CTTNBP2: variants seen among roughly 807,000 people sequenced by gnomAD.
The protein encoded by CTTNBP2 is cortactin binding protein 2.
CTTNBP2 carries 108 observed loss-of-function variants against 156.9 expected under a neutral mutation model. The ratio of observed to expected loss-of-function variants is 0.69; its 90% confidence interval spans 0.59 to 0.81. CTTNBP2 has a LOEUF of 0.81. Among genes scored for constraint, CTTNBP2 ranks in the 30% least tolerant of loss-of-function variants. The pLI, the probability that CTTNBP2 is intolerant of heterozygous loss-of-function variation, is 0.00. For synonymous variants in CTTNBP2, 767 were observed against 751.8 expected (o/e 1.02, Z -0.33); for missense variants, 1,924 against 2,035.4 (o/e 0.95, Z 1.05).
chr7:117,794,002 A>AC (rs544463810), intron 3 of CTTNBP2, among the ~76,000 whole-genome samples: 30 of 151,376 alleles, frequency 2.0e-4, no homozygotes, highest in African/African-American at 6.1e-4. Flanking sequence ...ACCTGCCTGC[A>AC]CCCCCCCTCA....
chr7:117,796,348 C>G lies in CTTNBP2; in HGVS notation c.415-3567G>C, dbSNP rs189430566. On this transcript the variant is annotated intron_variant, in intron 3 of 22. Transcript: ENST00000160373. ...ATTTTTATATTAAAAAATCTTTGAC[C>G]ATTTCAGCTCAGAGACAAACTATGT... Among the ~76,000 whole-genome samples, 244 of 152,158 alleles carry G rather than the reference C, an allele frequency of 1.6e-3. 1 individual carries two copies. The highest frequency in any genetic ancestry group is 5.6e-3 in the African/African-American group (231 of 41,522).
chr7:117,864,389 G>A (rs1170287778), intron 1 of CTTNBP2, among the ~76,000 whole-genome samples: 2 of 151,974 alleles, frequency 1.3e-5, no homozygotes, highest in East Asian at 3.9e-4. Flanking sequence ...ACTAGTCATA[G>A]TAAAATTTCT....
intron 12 of CTTNBP2, among the ~76,000 whole-genome samples, chr7:117,753,557 T>A (rs4730803): frequency 6.6e-6 from 1 of 152,042 alleles, no homozygotes; most frequent in South Asian, 2.1e-4. Context: ...ATATACACCA[T>A]GGAATACTAA....
intron 8 of CTTNBP2, among the ~76,000 whole-genome samples, chr7:117,773,435 C>T (rs1231144287): frequency 6.6e-6 from 1 of 152,134 alleles, no homozygotes; most frequent in Admixed American, 6.5e-5. Context: ...AACAAGAGGG[C>T]TACCACCTGA....
At chr7:117,753,400 C>T (rs879508739) in intron 12 of CTTNBP2, among the ~76,000 whole-genome samples, 4 of 152,158 alleles carry the variant, frequency 2.6e-5, no homozygotes, top group Non-Finnish European at 5.9e-5. Flanking sequence ...AATCCCATTA[C>T]TGCGTATACA....
intron 8 of CTTNBP2, among the ~76,000 whole-genome samples, chr7:117,772,887 C>T (rs1797868876): frequency 6.6e-6 from 1 of 152,082 alleles, no homozygotes; most frequent in Non-Finnish European, 1.5e-5. Flanking sequence ...CCCTGGGCAG[C>T]CAAGTTTACA....
chr7:117,806,884 G>A (rs1028801887), intron 3 of CTTNBP2, among the ~76,000 whole-genome samples: 3 of 151,442 alleles, frequency 2.0e-5, no homozygotes, highest in Admixed American at 6.6e-5. Flanking sequence ...TCAGCCTCCT[G>A]AGTAGCTGGG....
At chr7:117,820,656 T>C (rs140766139) in intron 2 of CTTNBP2, among the ~76,000 whole-genome samples, 1 of 152,382 alleles carries the variant, frequency 6.6e-6, no homozygotes, top group African/African-American at 2.4e-5. Context: ...ATATCTCTGA[T>C]GCCTTTGTTG....
chr7:117,835,037 C>A (rs1051763827), intron 2 of CTTNBP2, among the ~76,000 whole-genome samples: 1 of 152,166 alleles, frequency 6.6e-6, no homozygotes, highest in African/African-American at 2.4e-5. Context: ...TAATTGCCAG[C>A]GTCAATAAAA....
rs558414153 is a variant in CTTNBP2 at position 117,743,517 on chromosome 7, G to A, written c.3535+2314C>T. Among the ~76,000 whole-genome samples, 4 of 152,028 alleles carry A rather than the reference G, an allele frequency of 2.6e-5. No homozygotes were observed. The South Asian group carries it at 8.3e-4, about 32-fold the overall frequency. On this transcript the variant is annotated intron_variant, in intron 14 of 22. Coordinates refer to ENST00000160373, the MANE Select transcript of CTTNBP2 (RefSeq NM_033427.3). Reference sequence around the variant, plus strand: ...TTTTCATGTTTATAAATCAGGGATGGGACTGTATCTGCCTCAGAAAGTTGT... The same window carrying A: ...TTTTCATGTTTATAAATCAGGGATGAGACTGTATCTGCCTCAGAAAGTTGT...
chr7:117,760,442 GATGGATCGT>G lies in CTTNBP2; in HGVS notation c.3156_3164del (p.Arg1053_Ile1055del). On this transcript the variant is annotated inframe_deletion, in exon 10 of 23. Coordinates refer to ENST00000160373, the MANE Select transcript of CTTNBP2 (RefSeq NM_033427.3). ...TCATAGGACTGCTGATACCTAGCGT[GATGGATCGT>G]ATGCTTCTTGCACTGAGGCCGATGT... 6.2e-7 allele frequency: 1 copy of G among 1,613,742 alleles called. No individual in the cohort carries two copies. Among genetic ancestry groups the G allele is most frequent in the Non-Finnish European group, 8.5e-7 (1 of 1,179,664 alleles).
intron 7 of CTTNBP2, 121 bp from the exon 8 acceptor site, chr7:117,777,886 A>G (rs1451031455): frequency 7.6e-6 from 7 of 919,634 alleles, no homozygotes; most frequent in African/African-American, 1.7e-5. Flanking sequence ...AAAAGCAGGC[A>G]TTCCAATCCT....
intron 2 of CTTNBP2, among the ~76,000 whole-genome samples, chr7:117,820,290 C>G (rs1272108265): frequency 6.6e-6 from 1 of 152,202 alleles, no homozygotes; most frequent in Non-Finnish European, 1.5e-5. Context: ...CACCACCTGT[C>G]AATAACTGGA....
chr7:117,715,969 A>C, intron 22 of CTTNBP2: 1 of 152,166 alleles, frequency 6.6e-6, no homozygotes, highest in East Asian at 1.9e-4. Flanking sequence ...AAGGCTGCCA[A>C]CAGTAAGTAC....
At chr7:117,853,228 G>A (rs1803042630) in intron 2 of CTTNBP2, among the ~76,000 whole-genome samples, 1 of 152,124 alleles carries the variant, frequency 6.6e-6, no homozygotes, top group African/African-American at 2.4e-5. Flanking sequence ...ATGGATGGAG[G>A]TGGCTGTAGA....
chr7:117,847,819 CTT>C (rs201419286), intron 2 of CTTNBP2, among the ~76,000 whole-genome samples: 993 of 90,362 alleles, frequency 0.011, no homozygotes, highest in Non-Finnish European at 0.014. Flanking sequence ...TTTGCCTAAC[CTT>C]TTTTTTTTTT....
rs1439399901 is a variant in CTTNBP2, at chr7:117,777,506, C to A, written c.2778+5G>T. On this transcript the variant is annotated splice_donor_5th_base_variant and intron_variant, in intron 8 of 22. Coordinates refer to ENST00000160373, the MANE Select transcript of CTTNBP2 (RefSeq NM_033427.3). Reference sequence around the variant, plus strand: ...CATGATGAGGCCAGCTGCTACCAGACACACCTTAAAACCTTTGGAAGCAGC... The same window carrying A: ...CATGATGAGGCCAGCTGCTACCAGAAACACCTTAAAACCTTTGGAAGCAGC... 1.2e-6 allele frequency: 2 copies of A among 1,611,052 alleles called. No homozygotes were observed. Among genetic ancestry groups the A allele is most frequent in the South Asian group, 1.1e-5 (1 of 90,898 alleles).
At chr7:117,781,622 C>T (rs1005015306) in intron 6 of CTTNBP2, among the ~76,000 whole-genome samples, 2 of 152,202 alleles carry the variant, frequency 1.3e-5, no homozygotes, top group African/African-American at 4.8e-5. Flanking sequence ...CCTGTAGTCC[C>T]AGCTACTCGG....
chr7:117,795,210 T>C (rs866778570), intron 3 of CTTNBP2, among the ~76,000 whole-genome samples: 4 of 152,262 alleles, frequency 2.6e-5, no homozygotes, highest in Admixed American at 6.5e-5. Context: ...TTTTTATATG[T>C]ATATCTTATT....
Sources: gnomAD v4.1 joint callset for allele counts (sites outside exome capture counted in the v4.1 genomes callset) on GRCh38, gnomAD v4.1.1 for gene constraint, MANE v1.5 for transcripts, NCBI Gene and HGNC (gene_info 2026-07-23, HGNC 2026-07-21) for gene names.